The following IL1RAPL1 variants were observed in gnomAD, a reference collection of about 807,000 sequenced individuals.
IL1RAPL1 encodes interleukin-1 receptor accessory protein-like 1.
Under a neutral mutation model 48.4 loss-of-function variants are expected in IL1RAPL1, and 3 were observed. The ratio of observed to expected loss-of-function variants is 0.06; its 90% confidence interval spans 0.03 to 0.16. The LOEUF is 0.16. IL1RAPL1 is among the 10% of genes least tolerant of loss of function. IL1RAPL1 has a pLI of 1.00. For missense variants in IL1RAPL1, 349 were observed against 530.6 expected (o/e 0.66, Z 3.36); for synonymous variants, 185 against 187.7 (o/e 0.99, Z 0.12).
intron 5 of IL1RAPL1, among the ~76,000 whole-genome samples, chrX:29,525,384 A>C (rs931087728): frequency 8.9e-6 from 1 of 112,111 alleles, no homozygotes; most frequent in Non-Finnish European, 1.9e-5. Flanking sequence ...AGTATTTACA[A>C]ATGGCATCAT....
At chrX:29,920,154 T>C (rs111532996) in intron 8 of IL1RAPL1, 60 bp downstream of exon 8, 2 of 1,164,547 alleles carry the variant, frequency 1.7e-6, no homozygotes, top group South Asian at 3.6e-5. Context: ...GAAAAAATCA[T>C]TGGGAACCAA....
At chrX:29,231,741 G>A (rs1290393763) in intron 2 of IL1RAPL1, among the ~76,000 whole-genome samples, 1 of 111,634 alleles carries the variant, frequency 9.0e-6, no homozygotes, top group Admixed American at 9.6e-5. Context: ...TTAGTCAGTA[G>A]GTGACTCCCC....
chrX:29,226,278 A>C (rs1345021383), intron 2 of IL1RAPL1, among the ~76,000 whole-genome samples: 3 of 111,193 alleles, frequency 2.7e-5, no homozygotes, highest in African/African-American at 9.8e-5. Context: ...TGATGAGATG[A>C]AATTTGGAAT....
intron 2 of IL1RAPL1, among the ~76,000 whole-genome samples, chrX:28,958,093 C>T (rs913559056): frequency 8.1e-5 from 9 of 111,456 alleles, no homozygotes; most frequent in East Asian, 2.8e-4. Context: ...TTATCATATG[C>T]GTCACCTCAC....
At chrX:29,029,976 G>T (rs959542343) in intron 2 of IL1RAPL1, among the ~76,000 whole-genome samples, 1 of 96,661 alleles carries the variant, frequency 1.0e-5, no homozygotes. Flanking sequence ...ATGTCCAATT[G>T]TTCCAACACC....
chrX:29,001,851 A>G (rs187054682), intron 2 of IL1RAPL1, among the ~76,000 whole-genome samples: 5 of 110,395 alleles, frequency 4.5e-5, no homozygotes, highest in Admixed American at 2.9e-4. Flanking sequence ...ATGTCTATCA[A>G]TAGTAGAATG....
At chrX:29,906,619 A>C (rs1231331829) in intron 6 of IL1RAPL1, among the ~76,000 whole-genome samples, 1 of 101,342 alleles carries the variant, frequency 9.9e-6, no homozygotes, top group Non-Finnish European at 2.0e-5. Flanking sequence ...ATTATTGTGA[A>C]CCCTCTTTCT....
At chrX:29,012,153 A>G (rs1926137404) in intron 2 of IL1RAPL1, among the ~76,000 whole-genome samples, 1 of 112,594 alleles carries the variant, frequency 8.9e-6, no homozygotes, top group African/African-American at 3.2e-5. Flanking sequence ...AGAGAAATCA[A>G]ATTTTGTTGA....
chrX:29,875,453 G>T (rs1931882580), intron 6 of IL1RAPL1, among the ~76,000 whole-genome samples: 2 of 111,421 alleles, frequency 1.8e-5, no homozygotes, highest in South Asian at 7.6e-4. Context: ...TCCTTCATCA[G>T]CTTCCCTTGG....
At chrX:29,730,169 G>A (rs1927879568) in intron 6 of IL1RAPL1, among the ~76,000 whole-genome samples, 1 of 111,994 alleles carries the variant, frequency 8.9e-6, no homozygotes. Context: ...CCTATCACAT[G>A]TGTCAAAATG....
chrX:29,623,457 C>A (rs981172556), intron 5 of IL1RAPL1, among the ~76,000 whole-genome samples: 2 of 111,507 alleles, frequency 1.8e-5, no homozygotes, highest in Non-Finnish European at 3.8e-5. Flanking sequence ...CACTTAGTAT[C>A]CTATGGTTAT....
chrX:29,715,703 T>C (rs1251024146), intron 6 of IL1RAPL1, among the ~76,000 whole-genome samples: 1 of 111,587 alleles, frequency 9.0e-6, no homozygotes, highest in Non-Finnish European at 1.9e-5. Flanking sequence ...CCCAATAAAT[T>C]ACTTAAATAA....
At chrX:28,662,924 A>G (rs1260948343) in intron 1 of IL1RAPL1, among the ~76,000 whole-genome samples, 4 of 111,774 alleles carry the variant, frequency 3.6e-5, no homozygotes, top group Admixed American at 9.5e-5. Context: ...CTACTTTCTC[A>G]TAGTCAGAAT....
intron 5 of IL1RAPL1, among the ~76,000 whole-genome samples, chrX:29,563,454 T>A (rs924288550): frequency 8.9e-6 from 1 of 112,164 alleles, no homozygotes; most frequent in African/African-American, 3.2e-5. Context: ...ACAAGTCAGA[T>A]TTTAGGCAAC....
In IL1RAPL1 at chrX:28,815,879, AT is replaced by A. The variant is rs1318061363; in HGVS notation, c.82+26455del. ...TATATATATATATATATATATATAT[AT>A]ATATAATTTTTTTCTTAACCATTCA... On this transcript the variant is annotated intron_variant, in intron 2 of 10. Coordinates refer to ENST00000378993, the MANE Select transcript of IL1RAPL1 (RefSeq NM_014271.4). Among the ~76,000 whole-genome samples, 40 of 76,304 alleles carry A rather than the reference AT, an allele frequency of 5.2e-4. 1 individual carries two copies. Among genetic ancestry groups the A allele is most frequent in the African/African-American group, 1.9e-3 (39 of 20,868 alleles). 66.3% of individuals were successfully genotyped at this position (76,304 alleles called of 115,157 possible). A position where few individuals can be genotyped will look rare whatever the true frequency, so the allele number is the denominator to read the frequency against.
chrX:28,842,337 A>G (rs771497544), intron 2 of IL1RAPL1, among the ~76,000 whole-genome samples: 1 of 111,258 alleles, frequency 9.0e-6, no homozygotes, highest in Non-Finnish European at 1.9e-5. Flanking sequence ...TATTACTTGT[A>G]TTTTATGAAC....
rs760318139 is a variant in IL1RAPL1 at position 28,844,445 on chromosome X, A to G, written c.82+55020A>G. Among the ~76,000 whole-genome samples the G allele has an allele frequency of 4.6e-5, 5 of 109,275 alleles. No individual in the cohort carries two copies. The East Asian group carries it at 1.5e-3, about 32-fold the overall frequency. The allele number at this position is 109,275 out of a possible 115,157, so 94.9% of individuals were successfully genotyped here. Reference sequence around the variant, plus strand: ...AACCCTGCTATCAACAGATGATGAAAGACTTAACGTTTTACTCACCCCATT... The same window carrying G: ...AACCCTGCTATCAACAGATGATGAAGGACTTAACGTTTTACTCACCCCATT... On this transcript the variant is annotated intron_variant, in intron 2 of 10. Coordinates refer to ENST00000378993, the MANE Select transcript of IL1RAPL1 (RefSeq NM_014271.4).
rs774006351 is a variant in IL1RAPL1, at chrX:29,447,694, T to C, written c.703+48386T>C. 1.4e-4 allele frequency among the ~76,000 whole-genome samples: 16 copies of C among 112,301 alleles called. No individual in the cohort carries two copies. In the East Asian group the frequency reaches 4.5e-3, roughly 31 times the overall value. ...CTTATGATGTCGAAACTTAGAATAA[T>C]TTTATTCAAAGAATATCCTTTGAGC... On this transcript the variant is annotated intron_variant, in intron 5 of 10. Transcript: ENST00000378993.
intron 5 of IL1RAPL1, among the ~76,000 whole-genome samples, chrX:29,649,315 A>G (rs1925439317): frequency 8.9e-6 from 1 of 112,001 alleles, no homozygotes; most frequent in South Asian, 3.7e-4. Flanking sequence ...CTACAGGCCA[A>G]TTTCCTTGAT....
Sources: allele counts gnomAD v4.1 joint callset (sites outside exome capture counted in the v4.1 genomes callset), GRCh38; gene constraint gnomAD v4.1.1; transcripts MANE v1.5; gene names NCBI Gene and HGNC (gene_info 2026-07-23, HGNC 2026-07-21).